The following ANKMY1 variants were observed in gnomAD, a reference collection of about 807,000 sequenced individuals.
ANKMY1 encodes ankyrin repeat and MYND domain-containing protein 1.
In ANKMY1, 98 loss-of-function variants were observed where a neutral mutation model predicts 102.0. That is an observed-to-expected ratio of 0.96 (90% CI 0.82 to 1.14). The LOEUF is 1.14. Ranked by LOEUF, ANKMY1 falls within the 50% of genes most tolerant of loss-of-function variation. The probability of loss-of-function intolerance (pLI) is 0.00; values close to 1 mark genes in which losing one functional copy is unlikely to be tolerated. For synonymous variants in ANKMY1, 582 were observed against 559.9 expected (o/e 1.04, Z -0.56); for missense variants, 1,330 against 1,347.6 (o/e 0.99, Z 0.20).
At chr2:240,485,607 T>C (rs2151881698) in intron 15 of ANKMY1, among the ~76,000 whole-genome samples, 1 of 152,164 alleles carries the variant, frequency 6.6e-6, no homozygotes, top group East Asian at 1.9e-4. Context: ...CTTTTCTTTT[T>C]GAGACAGGTT....
chr2:240,535,413 G>A (rs1462067285), intron 4 of ANKMY1, among the ~76,000 whole-genome samples: 1 of 152,204 alleles, frequency 6.6e-6, no homozygotes, highest in Non-Finnish European at 1.5e-5. Flanking sequence ...TGTTCAGAGA[G>A]AGAGCAGGTT....
In ANKMY1 at chr2:240,528,696, C is replaced by A. The variant is rs138901071; in HGVS notation, c.953+341G>T. 3.9e-5 allele frequency among the ~76,000 whole-genome samples: 6 copies of A among 152,258 alleles called. No individual in the cohort carries two copies. The East Asian group carries it at 9.7e-4, about 25-fold the overall frequency. ...GAGATTCTCCCCAGCCACATCCCCC[C>A]ACCAGGTTCTACACCAGCCTCGGGA... On this transcript the variant is annotated intron_variant, in intron 5 of 17. Coordinates refer to ENST00000401804, the MANE Select transcript of ANKMY1 (RefSeq NM_001282771.3).
In ANKMY1 at chr2:240,557,277, C is replaced by T. The variant is rs780875555; in HGVS notation, c.59G>A (p.Arg20His). The change falls in exon 2 of 18, where the codon CGC becomes CAC. Residue 20 changes from arginine to histidine, a missense_variant. Physicochemically the swap from Arg to His is conservative, Grantham distance 29. Coordinates refer to ENST00000401804, the MANE Select transcript of ANKMY1 (RefSeq NM_001282771.3). The part of the protein sequence containing the change: ...LEDEVSGAGS[R>H]QRPLEGKGGE... The stretch of plus-strand genomic sequence containing the variant: ...GCCCTTCCCCTCTAGCGGGCGTTGG[C>T]GGCTGCCAGCCCCAGAGACTTCGTC... 7 of 1,593,372 alleles carry T rather than the reference C, an allele frequency of 4.4e-6. No individual in the cohort carries two copies. In the South Asian group the frequency reaches 6.8e-5, roughly 15 times the overall value.
chr2:240,494,592 C>T lies in ANKMY1; in HGVS notation c.2806+5366G>A, dbSNP rs559305679. 2.6e-5 allele frequency among the ~76,000 whole-genome samples: 4 copies of T among 152,268 alleles called. No individual in the cohort carries two copies. The East Asian group carries it at 7.7e-4, about 29-fold the overall frequency. The stretch of plus-strand genomic sequence containing the variant: ...GTCCCAGGGCCACTGGGTCCCAGGA[C>T]AGCATGTAGTTTTCCAGAGGCTAGT... On this transcript the variant is annotated intron_variant, in intron 15 of 17. Transcript: ENST00000401804.
chr2:240,484,706 A>G (rs573057070), intron 15 of ANKMY1, among the ~76,000 whole-genome samples: 36 of 152,350 alleles, frequency 2.4e-4, no homozygotes, highest in Middle Eastern at 3.4e-3. Flanking sequence ...GACAAATGGG[A>G]TCTAATTAAA....
chr2:240,538,540 G>A (rs2087596949), intron 4 of ANKMY1, among the ~76,000 whole-genome samples: 1 of 152,174 alleles, frequency 6.6e-6, no homozygotes, highest in Admixed American at 6.5e-5. Flanking sequence ...GGGACCTGCA[G>A]CGTGCCATGC....
intron 4 of ANKMY1, among the ~76,000 whole-genome samples, chr2:240,549,889 G>A (rs2091190243): frequency 6.6e-6 from 1 of 152,006 alleles, no homozygotes; most frequent in Non-Finnish European, 1.5e-5. Context: ...AGGATGTGGA[G>A]AAACAGGAAC....
intron 4 of ANKMY1, 175 bp downstream of exon 4, chr2:240,552,739 G>A: frequency 1.0e-6 from 1 of 996,262 alleles, no homozygotes; most frequent in South Asian, 1.6e-5. Context: ...AATGCAAGGA[G>A]GCTTTTATTT....
chr2:240,484,973 G>A (rs1453271186), intron 15 of ANKMY1, among the ~76,000 whole-genome samples: 1 of 152,158 alleles, frequency 6.6e-6, no homozygotes, highest in Non-Finnish European at 1.5e-5. Flanking sequence ...GGTCATTAGA[G>A]AAATGCAAAT....
At chr2:240,503,187 G>A (rs1291887154) in intron 13 of ANKMY1, among the ~76,000 whole-genome samples, 1 of 152,226 alleles carries the variant, frequency 6.6e-6, no homozygotes, top group African/African-American at 2.4e-5. Flanking sequence ...TGTCTCTGAG[G>A]AGTTTCTCAG....
chr2:240,484,931 C>A (rs938053968), intron 15 of ANKMY1, among the ~76,000 whole-genome samples: 9 of 152,092 alleles, frequency 5.9e-5, no homozygotes, highest in Non-Finnish European at 1.3e-4. Flanking sequence ...ATTTATGCAG[C>A]CAACAAACAT....
downstream of ANKMY1, among the ~76,000 whole-genome samples, chr2:240,476,550 G>A (rs1310984811): frequency 1.3e-5 from 2 of 152,170 alleles, no homozygotes; most frequent in African/African-American, 4.8e-5. Flanking sequence ...AGGAGGGTGG[G>A]CCTGTCCTGG....
intron 17 of ANKMY1, 22 bp downstream of exon 17, chr2:240,480,915 C>A: frequency 6.3e-7 from 1 of 1,597,330 alleles, no homozygotes. Flanking sequence ...ACCCTTGCCT[C>A]CCAGCCTGAG....
intron 14 of ANKMY1, 66 bp from the exon 15 acceptor site, chr2:240,500,189 G>A (rs543551480): frequency 3.2e-5 from 47 of 1,475,498 alleles, no homozygotes; most frequent in Middle Eastern, 4.6e-4. Flanking sequence ...GGTGACTCTC[G>A]GTGATCGAGG....
Position 240,557,331 on chromosome 2 carries a change from T to C in ANKMY1, c.5A>G (p.Glu2Gly). The C allele has an allele frequency of 6.4e-7, 1 of 1,555,958 alleles. No individual in the cohort carries two copies. The highest frequency in any genetic ancestry group is 8.7e-7 in the Non-Finnish European group (1 of 1,147,220). ...TAAGCTAAGGGAGGCATGGGCCCCTTCCATGTCTGTGGTCTTCCAACCTGC... is the reference window on the plus strand; with the variant it reads ...TAAGCTAAGGGAGGCATGGGCCCCTCCCATGTCTGTGGTCTTCCAACCTGC... M[E>G]GAHASLSLED... Residue 2 changes from glutamate to glycine, a missense_variant, in exon 2 of 18, where the codon GAA (glutamate) becomes GGA (glycine). Coordinates refer to ENST00000401804, the MANE Select transcript of ANKMY1 (RefSeq NM_001282771.3).
At chr2:240,509,080 G>A (rs1279610528) in intron 12 of ANKMY1, among the ~76,000 whole-genome samples, 6 of 152,034 alleles carry the variant, frequency 3.9e-5, no homozygotes, top group Non-Finnish European at 8.8e-5. Flanking sequence ...TGGGTGAGTA[G>A]ATGGATAAGT....
At chr2:240,496,613 T>C (rs1411170642) in intron 15 of ANKMY1, among the ~76,000 whole-genome samples, 1 of 152,188 alleles carries the variant, frequency 6.6e-6, no homozygotes, top group Non-Finnish European at 1.5e-5. Flanking sequence ...CTCCCCTGCA[T>C]TATAAAGCTT....
At chr2:240,482,122 C>T (rs540302878) in intron 16 of ANKMY1, 61 bp downstream of exon 16, 2 of 1,565,532 alleles carry the variant, frequency 1.3e-6, no homozygotes, top group Admixed American at 1.8e-5. Flanking sequence ...CCAGGCACAA[C>T]AGCACTGTCC....
At chr2:240,533,194 T>A (rs549270626) in intron 4 of ANKMY1, among the ~76,000 whole-genome samples, 2 of 152,088 alleles carry the variant, frequency 1.3e-5, no homozygotes, top group Non-Finnish European at 2.9e-5. Context: ...AGAAAAAGAG[T>A]GTATAACTTT....
Sources: allele counts gnomAD v4.1 joint callset (sites outside exome capture counted in the v4.1 genomes callset), GRCh38; gene constraint gnomAD v4.1.1; transcripts MANE v1.5; gene names NCBI Gene and HGNC (gene_info 2026-07-23, HGNC 2026-07-21).